NTSR1: variants seen among roughly 807,000 people sequenced by gnomAD.
NTSR1 encodes neurotensin receptor 1.
NTSR1 carries 29 observed loss-of-function variants against 31.2 expected under a neutral mutation model. That is an observed-to-expected ratio of 0.93 (90% confidence interval 0.69 to 1.27). NTSR1 has a LOEUF of 1.27. Ranked by LOEUF, NTSR1 falls within the 50% of genes most tolerant of loss-of-function variation. NTSR1 has a pLI of 0.00. For missense variants in NTSR1, 697 were observed against 595.4 expected (o/e 1.17, Z -1.78); for synonymous variants, 282 against 269.9 (o/e 1.04, Z -0.44).
chr20:62,753,228 G>A (rs147937057), intron 1 of NTSR1, among the ~76,000 whole-genome samples: 274 of 152,324 alleles, frequency 1.8e-3, no homozygotes, highest in African/African-American at 6.3e-3. Context: ...GCCTCAGCCG[G>A]TGCCCAGAGG....
Position 62,756,361 on chromosome 20 carries a change from G to T in NTSR1, c.916+1475G>T, listed in dbSNP as rs950353233. 2.6e-5 allele frequency among the ~76,000 whole-genome samples: 4 copies of T among 152,240 alleles called. No individual in the cohort carries two copies. In the South Asian group the frequency reaches 8.3e-4, roughly 31 times the overall value. On this transcript the variant is annotated intron_variant, in intron 2 of 3. Coordinates refer to ENST00000370501, the MANE Select transcript of NTSR1 (RefSeq NM_002531.3). ...TGCTTGGCAAGAAGGCGGGGCAGGG[G>T]CAGGGCAGACGCTGCCAACAACACA...
chr20:62,709,952 C>T lies in NTSR1; in HGVS notation c.714+31C>T. The stretch of plus-strand genomic sequence containing the variant: ...CCTCAGTAACCAGCCCCGGGGCTCC[C>T]CTCTCCTTCACCCCAAAAGCAGTGC... On this transcript the variant is annotated intron_variant, in intron 1 of 3. Coordinates refer to ENST00000370501, the MANE Select transcript of NTSR1 (RefSeq NM_002531.3). 2.7e-6 allele frequency: 4 copies of T among 1,503,950 alleles called. No homozygotes were observed. The South Asian group carries it at 3.8e-5, about 14-fold the overall frequency. The allele number at this position is 1,503,950 out of a possible 1,614,324, so 93.2% of individuals were successfully genotyped here.
In NTSR1 at chr20:62,758,656, A is replaced by G. The variant is rs1157471410; in HGVS notation, c.1007+300A>G. 6.6e-6 allele frequency among the ~76,000 whole-genome samples: 1 copy of G among 152,102 alleles called. No homozygotes were observed. Among genetic ancestry groups the G allele is most frequent in the Non-Finnish European group, 1.5e-5 (1 of 67,996 alleles). ...AGACATCCCTGGCTCTGCTGGGGAC[A>G]TGGTGGGGGTGTCACCTCCTCATAT... On this transcript the variant is annotated intron_variant, in intron 3 of 3. Coordinates refer to ENST00000370501, the MANE Select transcript of NTSR1 (RefSeq NM_002531.3). The surrounding 1 kb of genome is among the most constrained non-coding windows in gnomAD (Gnocchi z 4.5).
rs796738615 is a variant in NTSR1, at chr20:62,744,938, C to T, written c.715-9747C>T. On this transcript the variant is annotated intron_variant, in intron 1 of 3. Coordinates refer to ENST00000370501, the MANE Select transcript of NTSR1 (RefSeq NM_002531.3). The surrounding 1 kb of genome is among the most constrained non-coding windows in gnomAD (Gnocchi z 4.1). Reference sequence around the variant, plus strand: ...AGGGGTAGCAGCTGAGGGGTGCACACAGCAGAGGATACTGCCAGAAGCACG... The same window carrying T: ...AGGGGTAGCAGCTGAGGGGTGCACATAGCAGAGGATACTGCCAGAAGCACG... 1.3e-5 allele frequency among the ~76,000 whole-genome samples: 2 copies of T among 152,322 alleles called. No homozygotes were observed. The highest frequency in any genetic ancestry group is 4.8e-5 in the African/African-American group (2 of 41,566).
At chr20:62,710,987 C>T (rs568800005) in intron 1 of NTSR1, among the ~76,000 whole-genome samples, 1 of 152,320 alleles carries the variant, frequency 6.6e-6, no homozygotes, top group Non-Finnish European at 1.5e-5. Flanking sequence ...ACACCAGCAT[C>T]GCCAGCCTCC....
Position 62,758,347 on chromosome 20 carries a change from A to G in NTSR1, c.998A>G (p.Gln333Arg), listed in dbSNP as rs756509177. Reference protein sequence around the residue: ...RLMFCYISDEQWTPFLYDFYH... With the variant: ...RLMFCYISDERWTPFLYDFYH... ...ATGTTCTGCTACATCTCGGATGAGC[A>G]GTGGACTCCGTGAGTACCGGGAACC... is the stretch of plus-strand genomic sequence containing the variant. Residue 333 changes from glutamine to arginine, a missense_variant, in exon 3 of 4, where the codon CAG becomes CGG. By Grantham distance (43) the Gln-to-Arg change is conservative. Coordinates refer to ENST00000370501, the MANE Select transcript of NTSR1 (RefSeq NM_002531.3). This position sits in a 1 kb window ranked among gnomAD's most constrained non-coding sequence, Gnocchi z 4.5. 5.6e-6 allele frequency: 9 copies of G among 1,613,490 alleles called. No individual in the cohort carries two copies. In the African/African-American group the frequency reaches 8.0e-5, roughly 14 times the overall value.
chr20:62,714,791 G>A lies in NTSR1; in HGVS notation c.714+4870G>A, dbSNP rs555743783. On this transcript the variant is annotated intron_variant, in intron 1 of 3. Coordinates refer to ENST00000370501, the MANE Select transcript of NTSR1 (RefSeq NM_002531.3). This position sits in a 1 kb window ranked among gnomAD's most constrained non-coding sequence, Gnocchi z 4.1. ...GACGGTGGCCTGGTTTCTTAGCAAA[G>A]ACTCGGACAAGTCAACCTGTCGCAG... 2.2e-4 allele frequency among the ~76,000 whole-genome samples: 34 copies of A among 152,192 alleles called. No homozygotes were observed. The highest frequency in any genetic ancestry group is 4.3e-4 in the Non-Finnish European group (29 of 68,044).
At position 62,709,335 on chromosome 20, in the gene NTSR1, C is replaced by G. The variant is rs138819154; in HGVS notation, c.128C>G (p.Ser43Trp). 1 of 1,609,050 alleles carries G rather than the reference C, an allele frequency of 6.2e-7. No homozygotes were observed. Among genetic ancestry groups the G allele is most frequent in the African/African-American group, 1.3e-5 (1 of 74,870 alleles). ...TTCGGCAACGCTTCGGGCAACGCGTCGGAGCGCGTCCTGGCGGCACCCAGC... is the reference window on the plus strand; with the variant it reads ...TTCGGCAACGCTTCGGGCAACGCGTGGGAGCGCGTCCTGGCGGCACCCAGC... ...PGFGNASGNA[S>W]ERVLAAPSSE... Residue 43 changes from serine (S) to tryptophan (W), a missense_variant, in exon 1 of 4, where the codon TCG becomes TGG. Coordinates refer to ENST00000370501, the MANE Select transcript of NTSR1 (RefSeq NM_002531.3).
In NTSR1 at chr20:62,744,752, C is replaced by G. The variant is rs6011087; in HGVS notation, c.715-9933C>G. Among the ~76,000 whole-genome samples the G allele has an allele frequency of 0.3, 46,229 of 151,724 alleles. 8,685 individuals carry two copies. Among genetic ancestry groups the G allele is most frequent in the African/African-American group, 0.5 (20,700 of 41,334 alleles). On this transcript the variant is annotated intron_variant, in intron 1 of 3. Transcript: ENST00000370501. This position sits in a 1 kb window ranked among gnomAD's most constrained non-coding sequence, Gnocchi z 4.1. ...CACAAAAAAAAAAGAGAGAAATGAG[C>G]CTGAGGCCCAGGAGGACCTGCCGAG...
chr20:62,722,751 C>T (rs532822393), intron 1 of NTSR1, among the ~76,000 whole-genome samples: 1 of 152,332 alleles, frequency 6.6e-6, no homozygotes, highest in Admixed American at 6.5e-5. Context: ...GAGGTTTGTC[C>T]AGGGTCTGAA....
At chr20:62,749,291 A>G (rs1442849747) in intron 1 of NTSR1, among the ~76,000 whole-genome samples, 2 of 152,164 alleles carry the variant, frequency 1.3e-5, no homozygotes, top group Admixed American at 1.3e-4. Context: ...AATACAAAAA[A>G]TTAGCCGGGT....
At chr20:62,735,663 C>T (rs2147140227) in intron 1 of NTSR1, among the ~76,000 whole-genome samples, 1 of 152,358 alleles carries the variant, frequency 6.6e-6, no homozygotes, top group East Asian at 1.9e-4. Flanking sequence ...CCCATGCTCC[C>T]CTGGAGGCCG....
chr20:62,753,351 A>C (rs563518698), intron 1 of NTSR1, among the ~76,000 whole-genome samples: 8 of 152,314 alleles, frequency 5.3e-5, no homozygotes, highest in Admixed American at 1.3e-4. Flanking sequence ...GATTGTCCTC[A>C]CCGGGACCAT....
At chr20:62,753,496 A>G (rs1487732269) in intron 1 of NTSR1, among the ~76,000 whole-genome samples, 1 of 152,192 alleles carries the variant, frequency 6.6e-6, no homozygotes, top group Non-Finnish European at 1.5e-5. Flanking sequence ...AATCACAGCC[A>G]CCAGCCACAG....
At position 62,709,183 on chromosome 20, in the gene NTSR1, A is replaced by G; in HGVS notation, c.-25A>G. ...ACTTCCAGCCCCGGAGGCGCCGGAC[A>G]GAGCCGCGGACTCCAGCGCCCACCA... On this transcript the variant is annotated 5_prime_UTR_variant, in exon 1 of 4. Coordinates refer to ENST00000370501, the MANE Select transcript of NTSR1 (RefSeq NM_002531.3). 1 of 1,393,906 alleles carries G rather than the reference A, an allele frequency of 7.2e-7. No individual in the cohort carries two copies. The highest frequency in any genetic ancestry group is 9.3e-7 in the Non-Finnish European group (1 of 1,080,968). 86.3% of individuals were successfully genotyped at this position (1,393,906 alleles called of 1,614,324 possible).
In NTSR1 at chr20:62,744,149, C is replaced by T. The variant is rs1205521373; in HGVS notation, c.715-10536C>T. Among the ~76,000 whole-genome samples the T allele has an allele frequency of 6.6e-6, 1 of 152,230 alleles. No individual in the cohort carries two copies. The highest frequency in any genetic ancestry group is 2.4e-5 in the African/African-American group (1 of 41,442). On this transcript the variant is annotated intron_variant, in intron 1 of 3. Coordinates refer to ENST00000370501, the MANE Select transcript of NTSR1 (RefSeq NM_002531.3). This position sits in a 1 kb window ranked among gnomAD's most constrained non-coding sequence, Gnocchi z 4.1. Reference sequence around the variant, plus strand: ...GTCGCCCCAGCGTGTCCCATCCCAGCCTCCCAAGCCGCAGTCCTGTGCCCC... The same window carrying T: ...GTCGCCCCAGCGTGTCCCATCCCAGTCTCCCAAGCCGCAGTCCTGTGCCCC...
chr20:62,718,128 G>A (rs1988766343), intron 1 of NTSR1, among the ~76,000 whole-genome samples: 1 of 152,226 alleles, frequency 6.6e-6, no homozygotes, highest in Non-Finnish European at 1.5e-5. Flanking sequence ...AGAGGGCCGT[G>A]TGAGAAGCCA....
Position 62,709,049 on chromosome 20 carries a change from G to T in NTSR1, c.-159G>T. 1 of 520,120 alleles carries T rather than the reference G, an allele frequency of 1.9e-6. No individual in the cohort carries two copies. The highest frequency in any genetic ancestry group is 4.1e-5 in the South Asian group (1 of 24,540). 32.2% of individuals were successfully genotyped at this position (520,120 alleles called of 1,614,324 possible). A position where few individuals can be genotyped will look rare whatever the true frequency, so the allele number is the denominator to read the frequency against. On this transcript the variant is annotated 5_prime_UTR_variant, in exon 1 of 4. Coordinates refer to ENST00000370501, the MANE Select transcript of NTSR1 (RefSeq NM_002531.3). The stretch of plus-strand genomic sequence containing the variant: ...GCCCGGAGCCCGGGGCGGCGCGTCT[G>T]GGTCTGGCGCTTCCCGACTGGACGG...
At chr20:62,716,642 G>A (rs1052935806) in intron 1 of NTSR1, among the ~76,000 whole-genome samples, 5 of 65,140 alleles carry the variant, frequency 7.7e-5, no homozygotes, top group African/African-American at 1.5e-4. Flanking sequence ...GAGAGTGACC[G>A]AGCTGCCGTC....
Sources: allele counts gnomAD v4.1 joint callset (sites outside exome capture counted in the v4.1 genomes callset), GRCh38; gene constraint gnomAD v4.1.1; non-coding constraint Gnocchi (gnomAD v3.1); transcripts MANE v1.5; gene names NCBI Gene and HGNC (gene_info 2026-07-23, HGNC 2026-07-21).